Variants in C6orf163 observed in about 807,000 individuals in gnomAD.
C6orf163 encodes the protein uncharacterized protein C6orf163.
A neutral mutation model predicts 28.4 loss-of-function variants in C6orf163; 22 were observed. That is an observed-to-expected ratio of 0.78 (90% CI 0.55 to 1.11). The LOEUF (loss-of-function observed/expected upper bound fraction) is 1.11. Ranked by LOEUF, C6orf163 falls within the 50% of genes least tolerant of loss-of-function variation. The pLI, the probability that C6orf163 is intolerant of heterozygous loss-of-function variation, is 0.00. For synonymous variants in C6orf163, 110 were observed against 123.6 expected (o/e 0.89, Z 0.73); for missense variants, 342 against 389.1 (o/e 0.88, Z 1.02).
chr6:87,363,508 C>G (rs1359690394), intron 4 of C6orf163, among the ~76,000 whole-genome samples: 3 of 151,968 alleles, frequency 2.0e-5, no homozygotes, highest in Non-Finnish European at 4.4e-5. Flanking sequence ...CCCCCCACCC[C>G]ACAACAGTCC....
intron 3 of C6orf163, among the ~76,000 whole-genome samples, chr6:87,353,532 TC>T (rs1247199618): frequency 6.6e-6 from 1 of 152,138 alleles, no homozygotes; most frequent in African/African-American, 2.4e-5. Context: ...TGGCTTTTTT[TC>T]CTTCTTCAAT....
chr6:87,355,164 A>G (rs531445710), intron 3 of C6orf163, among the ~76,000 whole-genome samples: 1 of 152,390 alleles, frequency 6.6e-6, no homozygotes, highest in Non-Finnish European at 1.5e-5. Context: ...AGAAACTGGC[A>G]GTCAGCAATC....
At chr6:87,353,768 A>G (rs1777455821) in intron 3 of C6orf163, among the ~76,000 whole-genome samples, 1 of 152,234 alleles carries the variant, frequency 6.6e-6, no homozygotes, top group Non-Finnish European at 1.5e-5. Flanking sequence ...CTTATTACAC[A>G]CAGCAGAACC....
intron 3 of C6orf163, 158 bp from the exon 4 acceptor site, chr6:87,356,141 TAA>T (rs1158022442): frequency 4.7e-6 from 3 of 635,262 alleles, no homozygotes; most frequent in African/African-American, 1.8e-5. Context: ...ATCATATAAA[TAA>T]AAGTTTTCCA....
rs1582105296 is a variant in C6orf163 at position 87,350,413 on chromosome 6, A to T, written c.263A>T (p.Gln88Leu). 6.5e-7 allele frequency: 1 copy of T among 1,533,576 alleles called. No individual in the cohort carries two copies. The highest frequency in any genetic ancestry group is 8.7e-7 in the Non-Finnish European group (1 of 1,144,954). 95.0% of individuals were successfully genotyped at this position (1,533,576 alleles called of 1,614,324 possible). A position where few individuals can be genotyped will look rare whatever the true frequency, so the allele number is the denominator to read the frequency against. ...VWAQANERQK[Q>L]AVEKALEEAN... ...TCAAAGGCTAATGAACGTCAAAAAC[A>T]AGCAGTGGAGAAAGCACTTGAAGAA... Residue 88 changes from glutamine to leucine, a missense_variant, in exon 3 of 5, where the codon CAA becomes CTA. Gln to Leu is a moderately radical substitution (Grantham distance 113). Transcript: ENST00000388923.
intron 3 of C6orf163, among the ~76,000 whole-genome samples, chr6:87,355,390 A>G (rs1361471899): frequency 2.0e-5 from 3 of 151,980 alleles, no homozygotes; most frequent in Non-Finnish European, 2.9e-5. Flanking sequence ...GTGAAACCCT[A>G]TTTTGACAAA....
In C6orf163 at chr6:87,348,726, C is replaced by A; in HGVS notation, c.149-86C>A. The A allele has an allele frequency of 2.7e-6, 4 of 1,495,742 alleles. No individual in the cohort carries two copies. The East Asian group carries it at 9.9e-5, about 37-fold the overall frequency. 92.7% of individuals were successfully genotyped at this position (1,495,742 alleles called of 1,614,324 possible). The stretch of plus-strand genomic sequence containing the variant: ...CTAAAAGGACGTGTCTCCTAAATAG[C>A]CCTCATAAATAACTAGATAATGGTG... On this transcript the variant is annotated intron_variant, in intron 1 of 4. Coordinates refer to ENST00000388923, the MANE Select transcript of C6orf163 (RefSeq NM_001010868.3).
In C6orf163 at chr6:87,365,096, A is replaced by G. The variant is rs1205486632; in HGVS notation, c.690A>G (p.Glu230=). The part of the protein sequence containing the change: ...LYGIAQRQRQ[E]EVQEVLQEAE... ...GCATAGCTCAGAGGCAGAGGCAAGA[A>G]GAGGTACAGGAAGTGCTTCAAGAAG... Residue 230 remains glutamate, a synonymous_variant, in exon 5 of 5, where the codon GAA becomes GAG. Coordinates refer to ENST00000388923, the MANE Select transcript of C6orf163 (RefSeq NM_001010868.3). The G allele has an allele frequency of 1.1e-5, 17 of 1,552,066 alleles. No individual in the cohort carries two copies. The Admixed American group carries it at 3.3e-4, about 30-fold the overall frequency.
chr6:87,346,259 A>G (rs1030224168), intron 1 of C6orf163, among the ~76,000 whole-genome samples: 2 of 152,100 alleles, frequency 1.3e-5, no homozygotes, highest in Admixed American at 6.5e-5. Context: ...GAAGCTGGAG[A>G]GCAGAGGTGT....
At position 87,355,833 on chromosome 6, in the gene C6orf163, C is replaced by T. The variant is rs893060406; in HGVS notation, c.352-468C>T. On this transcript the variant is annotated intron_variant, in intron 3 of 4. Coordinates refer to ENST00000388923, the MANE Select transcript of C6orf163 (RefSeq NM_001010868.3). ...TTTTCCTTGAGCACAATTTGTGGCTCTGTTTTCCACAGGTCTTGGTTTGAC... is the reference window on the plus strand; with the variant it reads ...TTTTCCTTGAGCACAATTTGTGGCTTTGTTTTCCACAGGTCTTGGTTTGAC... Among the ~76,000 whole-genome samples the T allele has an allele frequency of 3.3e-5, 5 of 152,132 alleles. 1 individual carries two copies. The highest frequency in any genetic ancestry group is 3.3e-4 in the Admixed American group (5 of 15,266).
intron 3 of C6orf163, among the ~76,000 whole-genome samples, chr6:87,353,495 A>C (rs1410093242): frequency 2.6e-5 from 4 of 152,018 alleles, no homozygotes; most frequent in African/African-American, 9.7e-5. Context: ...TCAGGCATAC[A>C]ACGGTCTTAC....
intron 1 of C6orf163, among the ~76,000 whole-genome samples, chr6:87,346,282 A>AT (rs1262631100): frequency 6.6e-6 from 1 of 152,154 alleles, no homozygotes; most frequent in Non-Finnish European, 1.5e-5. Flanking sequence ...GGAAAAAAAA[A>AT]CTAAAATGTA....
intron 3 of C6orf163, 75 bp downstream of exon 3, chr6:87,350,576 G>A: frequency 2.4e-6 from 2 of 839,072 alleles, no homozygotes; most frequent in South Asian, 3.3e-5. Context: ...AAGGGAATGA[G>A]AAAAAAATAA....
intron 2 of C6orf163, 39 bp downstream of exon 2, chr6:87,348,945 C>G: frequency 6.5e-7 from 1 of 1,533,402 alleles, no homozygotes. Context: ...TCCATCTTTA[C>G]CGTTCTTTCA....
At chr6:87,356,220 C>A in intron 3 of C6orf163, 81 bp from the exon 4 acceptor site, 1 of 1,130,326 alleles carries the variant, frequency 8.8e-7, no homozygotes, top group Non-Finnish European at 1.3e-6. Flanking sequence ...ATAGATAAAA[C>A]TATGGTTTAA....
chr6:87,362,202 C>A (rs1475145242), intron 4 of C6orf163, among the ~76,000 whole-genome samples: 2 of 152,182 alleles, frequency 1.3e-5, no homozygotes, highest in African/African-American at 2.4e-5. Context: ...ATAGGTCAGG[C>A]ACGGTGGCTC....
intron 3 of C6orf163, among the ~76,000 whole-genome samples, chr6:87,354,411 C>T (rs1237590159): frequency 6.6e-6 from 1 of 152,180 alleles, no homozygotes; most frequent in East Asian, 1.9e-4. Flanking sequence ...TATTAAATGC[C>T]ACATGAAGTT....
intron 4 of C6orf163, among the ~76,000 whole-genome samples, chr6:87,363,615 C>A: frequency 6.6e-6 from 1 of 151,694 alleles, no homozygotes. Context: ...TTTGTTCTTG[C>A]AATAGTTTAC....
intron 1 of C6orf163, 62 bp downstream of exon 1, chr6:87,345,309 T>G: frequency 1.4e-6 from 2 of 1,409,674 alleles, no homozygotes; most frequent in Non-Finnish European, 1.9e-6. Context: ...TCATTCTTTC[T>G]GTTACATAGA....
Sources: allele counts gnomAD v4.1 joint callset (sites outside exome capture counted in the v4.1 genomes callset), GRCh38; gene constraint gnomAD v4.1.1; transcripts MANE v1.5; gene names NCBI Gene and HGNC (gene_info 2026-07-23, HGNC 2026-07-21).